Variants in MARCHF4 observed in about 807,000 individuals in gnomAD.
The protein encoded by MARCHF4 is membrane associated ring-CH-type finger 4.
A neutral mutation model predicts 43.9 loss-of-function variants in MARCHF4; 14 were observed. The observed-to-expected ratio is 0.32, with a 90% CI of 0.21 to 0.50. The LOEUF (loss-of-function observed/expected upper bound fraction) is 0.50. Among genes scored for constraint, MARCHF4 ranks in the 20% least tolerant of loss-of-function variants. The pLI is 0.98. For missense variants in MARCHF4, 468 were observed against 536.7 expected, an observed-to-expected ratio of 0.87 and a Z score of 1.27; for synonymous variants, 226 against 213.3, an observed-to-expected ratio of 1.06 and a Z score of -0.52.
At chr2:216,320,365 T>C (rs1490360838) in intron 1 of MARCHF4, among the ~76,000 whole-genome samples, 1 of 152,232 alleles carries the variant, frequency 6.6e-6, no homozygotes, top group East Asian at 1.9e-4. Flanking sequence ...CCAGGTTCTC[T>C]AATAAGCATT....
At chr2:216,305,395 C>T (rs1691568076) in intron 1 of MARCHF4, among the ~76,000 whole-genome samples, 1 of 152,200 alleles carries the variant, frequency 6.6e-6, no homozygotes, top group Non-Finnish European at 1.5e-5. Context: ...TGCTCTTTTG[C>T]AGCGATTTCC....
At chr2:216,298,408 G>T (rs935793719) in intron 1 of MARCHF4, among the ~76,000 whole-genome samples, 6 of 152,060 alleles carry the variant, frequency 3.9e-5, no homozygotes, top group South Asian at 4.2e-4. Flanking sequence ...TGGGACTACA[G>T]GTGTGTGCCA....
intron 1 of MARCHF4, among the ~76,000 whole-genome samples, chr2:216,289,242 C>CCA (rs1553516272): frequency 8.7e-5 from 12 of 138,176 alleles, no homozygotes; most frequent in South Asian, 7.2e-4. Flanking sequence ...CACCCGCCCC[C>CCA]CACCCAAGTT....
At chr2:216,300,068 T>C (rs1325053366) in intron 1 of MARCHF4, among the ~76,000 whole-genome samples, 2 of 152,190 alleles carry the variant, frequency 1.3e-5, no homozygotes, top group African/African-American at 4.8e-5. Context: ...AAAGTGGCTA[T>C]AGGGAAGCAT....
chr2:216,316,344 G>A (rs902138327), intron 1 of MARCHF4, among the ~76,000 whole-genome samples: 1 of 152,254 alleles, frequency 6.6e-6, no homozygotes, highest in Non-Finnish European at 1.5e-5. Context: ...GCCTGCTCAC[G>A]CCCCTTTCTA....
At chr2:216,349,120 C>T (rs1267338028) in intron 1 of MARCHF4, among the ~76,000 whole-genome samples, 1 of 152,068 alleles carries the variant, frequency 6.6e-6, no homozygotes, top group East Asian at 1.9e-4. Context: ...AGCAATTAGT[C>T]ATTGTTCAGT....
chr2:216,354,923 C>G lies in MARCHF4; in HGVS notation c.516+14822G>C, dbSNP rs752686003. 1.0e-3 allele frequency among the ~76,000 whole-genome samples: 123 copies of G among 121,924 alleles called. 1 individual carries two copies. Among genetic ancestry groups the G allele is most frequent in the Non-Finnish European group, 1.5e-3 (90 of 59,770 alleles). 80.0% of individuals were successfully genotyped at this position (121,924 alleles called of 152,430 possible). ...TCTTTCTTTCTTTCTTTCTTTCTTT[C>G]TTTCTTTCTTTCTTTCTTTCTTTCT... On this transcript the variant is annotated intron_variant, in intron 1 of 3. Coordinates refer to ENST00000273067, the MANE Select transcript of MARCHF4 (RefSeq NM_020814.3).
In MARCHF4 at chr2:216,277,488, C is replaced by T. The variant is rs911849051; in HGVS notation, c.865+184G>A. Among the ~76,000 whole-genome samples the T allele has an allele frequency of 2.0e-5, 3 of 152,116 alleles. No homozygotes were observed. The South Asian group carries it at 6.2e-4, about 32-fold the overall frequency. ...GAAAGATCTAGATCTTCCTTCTTTT[C>T]CCTGCCTCCTCCCCCTTCCCATCCA... is the stretch of plus-strand genomic sequence containing the variant. On this transcript the variant is annotated intron_variant, in intron 3 of 3. Coordinates refer to ENST00000273067, the MANE Select transcript of MARCHF4 (RefSeq NM_020814.3).
chr2:216,259,415 C>T lies in MARCHF4; in HGVS notation c.1130G>A (p.Cys377Tyr), dbSNP rs776018211. 1 of 1,613,868 alleles carries T rather than the reference C, an allele frequency of 6.2e-7. No individual in the cohort carries two copies. Among genetic ancestry groups the T allele is most frequent in the South Asian group, 1.1e-5 (1 of 91,038 alleles). Residue 377 changes from cysteine to tyrosine, a missense_variant, in exon 4 of 4, where the codon TGT becomes TAT. Cys to Tyr is a radical substitution (Grantham distance 194, BLOSUM62 -2). Around this residue, in one of 3 missense-constraint regions of MARCHF4, gnomAD observed 120 missense variants for 127.1 expected, o/e 0.94. Coordinates refer to ENST00000273067, the MANE Select transcript of MARCHF4 (RefSeq NM_020814.3). Reference protein sequence around the residue: ...HPSGPLSHHHCAYTILHILSH... With the variant: ...HPSGPLSHHHYAYTILHILSH... ...CAGGATGTGCAGGATGGTATAAGCA[C>T]AGTGGTGATGGGACAGAGGGCCTGA... is the stretch of plus-strand genomic sequence containing the variant.
At chr2:216,265,777 C>CTAATG (rs1476137071) in intron 3 of MARCHF4, 10 of 152,294 alleles carry the variant, frequency 6.6e-5, no homozygotes, top group African/African-American at 2.4e-4. Flanking sequence ...CAGGCATGAA[C>CTAATG]CACTGAGCCC....
intron 1 of MARCHF4, among the ~76,000 whole-genome samples, chr2:216,355,863 G>T (rs1692493826): frequency 6.6e-6 from 1 of 152,188 alleles, no homozygotes; most frequent in Non-Finnish European, 1.5e-5. Context: ...TGCAGACCCA[G>T]CCTATTCCCC....
At chr2:216,310,616 C>T (rs1217599382) in intron 1 of MARCHF4, among the ~76,000 whole-genome samples, 1 of 152,104 alleles carries the variant, frequency 6.6e-6, no homozygotes, top group African/African-American at 2.4e-5. Context: ...TAGCCACTGG[C>T]CCTCTCTTCT....
intron 1 of MARCHF4, among the ~76,000 whole-genome samples, chr2:216,284,095 C>G (rs1040898932): frequency 6.6e-6 from 1 of 152,186 alleles, no homozygotes; most frequent in African/African-American, 2.4e-5. Context: ...GAGTTGCAAA[C>G]TCAAATGCCC....
chr2:216,288,809 G>A (rs771326013), intron 1 of MARCHF4, among the ~76,000 whole-genome samples: 2 of 152,220 alleles, frequency 1.3e-5, no homozygotes, highest in East Asian at 1.9e-4. Context: ...AAATACGAAG[G>A]CGTGTTGAGC....
intron 1 of MARCHF4, among the ~76,000 whole-genome samples, chr2:216,334,507 CCT>C (rs936647023): frequency 1.3e-5 from 2 of 152,008 alleles, no homozygotes; most frequent in African/African-American, 4.8e-5. Context: ...CTCAAGTGAT[CCT>C]CCTGCCTTAG....
chr2:216,287,879 CA>C (rs539754783), intron 1 of MARCHF4, among the ~76,000 whole-genome samples: 15 of 152,108 alleles, frequency 9.9e-5, no homozygotes, highest in African/African-American at 3.4e-4. Flanking sequence ...CAAATTTAGC[CA>C]AGTCTCTTAA....
At chr2:216,272,918 T>C (rs532903986) in intron 3 of MARCHF4, among the ~76,000 whole-genome samples, 25 of 152,318 alleles carry the variant, frequency 1.6e-4, no homozygotes, top group African/African-American at 5.8e-4. Flanking sequence ...GCTCAGACTT[T>C]CCTGGCAGTC....
chr2:216,342,930 A>G (rs1010589998), intron 1 of MARCHF4, among the ~76,000 whole-genome samples: 1 of 151,754 alleles, frequency 6.6e-6, no homozygotes, highest in Non-Finnish European at 1.5e-5. Context: ...CAAGCATGAG[A>G]GCAAGGTGGG....
At chr2:216,315,669 G>A (rs1446441207) in intron 1 of MARCHF4, among the ~76,000 whole-genome samples, 11 of 152,132 alleles carry the variant, frequency 7.2e-5, no homozygotes, top group East Asian at 5.8e-4. Context: ...ACTGTATTTC[G>A]TTTTAAAATA....
Sources: gnomAD v4.1 joint callset for allele counts (sites outside exome capture counted in the v4.1 genomes callset) on GRCh38, gnomAD v4.1.1 for gene constraint, gnomAD v4.1.1 regional missense constraint, MANE v1.5 for transcripts, NCBI Gene and HGNC (gene_info 2026-07-23, HGNC 2026-07-21) for gene names.